Variants in CDKL5 observed in about 807,000 individuals in gnomAD.
CDKL5 encodes the protein cyclin-dependent kinase-like 5.
Under a neutral mutation model 61.7 loss-of-function variants are expected in CDKL5, and 8 were observed. The ratio of observed to expected loss-of-function variants is 0.13; its 90% CI spans 0.08 to 0.23. The LOEUF (loss-of-function observed/expected upper bound fraction) is 0.23, where lower values mean the gene tolerates loss of function less well. CDKL5 is among the 10% of genes least tolerant of loss of function. CDKL5 has a pLI of 1.00. For synonymous variants in CDKL5, 275 were observed against 272.3 expected (o/e 1.01, Z -0.10); for missense variants, 440 against 734.5 (o/e 0.60, Z 4.63).
In CDKL5 at chrX:18,629,693, C is replaced by T; in HGVS notation, c.*936C>T. 1 of 753,947 alleles carries T rather than the reference C, an allele frequency of 1.3e-6. No individual in the cohort carries two copies. Among genetic ancestry groups the T allele is most frequent in the Non-Finnish European group, 1.6e-6 (1 of 639,208 alleles). The allele number at this position is 753,947 out of a possible 1,213,427, so 62.1% of individuals were successfully genotyped here. A position where few individuals can be genotyped will look rare whatever the true frequency, so the allele number is the denominator to read the frequency against. On this transcript the variant is annotated 3_prime_UTR_variant, in exon 18 of 18. Coordinates refer to ENST00000623535, the MANE Select transcript of CDKL5 (RefSeq NM_001323289.2). ...TGGTAGCAGACGAGATGCAGCATCT[C>T]TTTCCAAACCTGCAGGGGAAGAAAG...
intron 1 of CDKL5, among the ~76,000 whole-genome samples, chrX:18,436,755 A>C (rs781501750): frequency 1.8e-5 from 2 of 108,447 alleles, no homozygotes; most frequent in East Asian, 5.8e-4. Flanking sequence ...AAAATTAGCC[A>C]AGTGTGGTGG....
At chrX:18,566,113 C>G (rs942394605) in intron 4 of CDKL5, among the ~76,000 whole-genome samples, 20 of 112,214 alleles carry the variant, frequency 1.8e-4, no homozygotes, top group South Asian at 7.4e-4. Context: ...TAATAACTGT[C>G]ATCAAATTTT....
intron 3 of CDKL5, among the ~76,000 whole-genome samples, chrX:18,551,061 T>G: frequency 8.9e-6 from 1 of 112,222 alleles, no homozygotes; most frequent in Non-Finnish European, 1.9e-5. Flanking sequence ...TTTCTCTCTT[T>G]CCATTGAAAA....
intron 4 of CDKL5, among the ~76,000 whole-genome samples, chrX:18,565,623 T>A (rs1471098315): frequency 8.9e-6 from 1 of 112,017 alleles, no homozygotes; most frequent in Admixed American, 9.5e-5. Flanking sequence ...ATGAACAGTT[T>A]CATCACCCTC....
chrX:18,629,057 A>G lies in CDKL5; in HGVS notation c.*300A>G. Reference sequence around the variant, plus strand: ...ATTCTTGCCAGTTTCTCCCCTTTACATTCCAGCTTTAGTGCAATCTCTGTT... The same window carrying G: ...ATTCTTGCCAGTTTCTCCCCTTTACGTTCCAGCTTTAGTGCAATCTCTGTT... On this transcript the variant is annotated 3_prime_UTR_variant, in exon 18 of 18. Coordinates refer to ENST00000623535, the MANE Select transcript of CDKL5 (RefSeq NM_001323289.2). 1 of 860,522 alleles carries G rather than the reference A, an allele frequency of 1.2e-6. No homozygotes were observed. The highest frequency in any genetic ancestry group is 5.0e-5 in the South Asian group (1 of 20,076). 70.9% of individuals were successfully genotyped at this position (860,522 alleles called of 1,213,427 possible).
intron 3 of CDKL5, among the ~76,000 whole-genome samples, chrX:18,530,074 A>T (rs1290823581): frequency 9.0e-6 from 1 of 110,569 alleles, no homozygotes; most frequent in African/African-American, 3.3e-5. Flanking sequence ...CACGCCTGTA[A>T]TCCCAGCACT....
intron 1 of CDKL5, among the ~76,000 whole-genome samples, chrX:18,456,796 C>T (rs985687797): frequency 6.3e-5 from 7 of 111,867 alleles, no homozygotes; most frequent in Non-Finnish European, 1.1e-4. Context: ...CTCTAGCCTT[C>T]TTCCTCTGCA....
chrX:18,642,915 G>A (rs1315944983), downstream of CDKL5, among the ~76,000 whole-genome samples: 1 of 110,352 alleles, frequency 9.1e-6, no homozygotes, highest in African/African-American at 3.3e-5. Context: ...GCAGTGGCAG[G>A]TGCCTGTAAA....
At chrX:18,495,953 A>C (rs1343114482) in intron 1 of CDKL5, among the ~76,000 whole-genome samples, 1 of 112,201 alleles carries the variant, frequency 8.9e-6, no homozygotes, top group African/African-American at 3.2e-5. Flanking sequence ...TGAGAGCAGG[A>C]GCATGGTCCA....
intron 17 of CDKL5, chrX:18,626,699 T>C (rs1170919335): frequency 2.3e-5 from 1 of 43,174 alleles, no homozygotes; most frequent in African/African-American, 9.1e-5. Context: ...TCTCTCTCTC[T>C]CTCTCTCTCT....
chrX:18,566,942 A>G (rs773989807), intron 4 of CDKL5, among the ~76,000 whole-genome samples: 14 of 111,501 alleles, frequency 1.3e-4, no homozygotes, highest in African/African-American at 4.2e-4. Context: ...CACCTTGTCA[A>G]TGACACCTAC....
Position 18,630,794 on chromosome X carries a change from A to T in CDKL5, c.*2037A>T. ...TGCTCTTTAGTTCTTTTTCTGTCTTACTTCTTTCACCAGTTCAGTACTGTT... is the reference window on the plus strand; with the variant it reads ...TGCTCTTTAGTTCTTTTTCTGTCTTTCTTCTTTCACCAGTTCAGTACTGTT... On this transcript the variant is annotated 3_prime_UTR_variant, in exon 18 of 18. Coordinates refer to ENST00000623535, the MANE Select transcript of CDKL5 (RefSeq NM_001323289.2). 5 of 751,828 alleles carry T rather than the reference A, an allele frequency of 6.7e-6. No homozygotes were observed. Among genetic ancestry groups the T allele is most frequent in the Non-Finnish European group, 7.8e-6 (5 of 638,746 alleles). 62.0% of individuals were successfully genotyped at this position (751,828 alleles called of 1,213,427 possible).
chrX:18,633,446 G>A lies in CDKL5; in HGVS notation c.*4689G>A, dbSNP rs776110977. 9 of 754,486 alleles carry A rather than the reference G, an allele frequency of 1.2e-5. No homozygotes were observed. The highest frequency in any genetic ancestry group is 1.3e-5 in the Non-Finnish European group (8 of 639,427). 62.2% of individuals were successfully genotyped at this position (754,486 alleles called of 1,213,427 possible). ...AATCTCACAAGAAGATCCTCTCAAA[G>A]ACTTAAAAGCCTGGCTTACAAAAAT... On this transcript the variant is annotated 3_prime_UTR_variant, in exon 18 of 18. Coordinates refer to ENST00000623535, the MANE Select transcript of CDKL5 (RefSeq NM_001323289.2).
intron 1 of CDKL5, among the ~76,000 whole-genome samples, chrX:18,497,987 T>TA (rs796962869): frequency 0.017 from 1,556 of 91,107 alleles, 14 homozygotes; most frequent in African/African-American, 0.029. Context: ...CCCAGCTAAT[T>TA]AAAAAAAAAA....
At chrX:18,528,693 G>A (rs1221288174) in intron 3 of CDKL5, among the ~76,000 whole-genome samples, 1 of 110,765 alleles carries the variant, frequency 9.0e-6, no homozygotes, top group East Asian at 2.8e-4. Flanking sequence ...GAATACAGTG[G>A]CACAATCATG....
intron 9 of CDKL5, among the ~76,000 whole-genome samples, chrX:18,592,251 C>T (rs749337691): frequency 1.8e-5 from 2 of 112,071 alleles, no homozygotes; most frequent in Admixed American, 9.5e-5. Context: ...TATAAGAAAG[C>T]GTGGTATATA....
Position 18,491,309 on chromosome X carries a change from G to A in CDKL5, c.-162-15626G>A, listed in dbSNP as rs149390566. On this transcript the variant is annotated intron_variant, in intron 1 of 17. Coordinates refer to ENST00000623535, the MANE Select transcript of CDKL5 (RefSeq NM_001323289.2). ...TCCTAGTGTTTAGAATTAAATTGTG[G>A]GACTTGAAAGCTAAAAAGGAACTTG... 3.0e-4 allele frequency among the ~76,000 whole-genome samples: 34 copies of A among 111,689 alleles called. No individual in the cohort carries two copies. The East Asian group carries it at 7.6e-3, about 25-fold the overall frequency.
chrX:18,551,711 A>G lies in CDKL5; in HGVS notation c.100-12766A>G, dbSNP rs748445567. 8.0e-4 allele frequency among the ~76,000 whole-genome samples: 85 copies of G among 106,338 alleles called. 2 individuals are homozygous for G. In the East Asian group the frequency reaches 0.02, roughly 25 times the overall value. The allele number at this position is 106,338 out of a possible 115,157, so 92.3% of individuals were successfully genotyped here. On this transcript the variant is annotated intron_variant, in intron 3 of 17. Coordinates refer to ENST00000623535, the MANE Select transcript of CDKL5 (RefSeq NM_001323289.2). ...AAGGATCCTCCTACCTCAGCCTCCC[A>G]GGTAGCTGGGACTATAGGTGTGCAC...
intron 15 of CDKL5, among the ~76,000 whole-genome samples, chrX:18,615,975 C>A (rs778908337): frequency 1.2e-4 from 13 of 111,833 alleles, no homozygotes; most frequent in Non-Finnish European, 2.1e-4. Flanking sequence ...TCAGAACAAG[C>A]AAAATAGAGT....
Sources: allele counts gnomAD v4.1 joint callset (sites outside exome capture counted in the v4.1 genomes callset), GRCh38; gene constraint gnomAD v4.1.1; transcripts MANE v1.5; gene names NCBI Gene and HGNC (gene_info 2026-07-23, HGNC 2026-07-21).